The following COLEC11 variants were observed in gnomAD, a reference collection of about 807,000 sequenced individuals.
COLEC11 encodes collectin-11.
COLEC11 carries 20 observed loss-of-function variants against 27.3 expected under a neutral mutation model. The ratio of observed to expected loss-of-function variants is 0.73; its 90% CI spans 0.51 to 1.06. The LOEUF (loss-of-function observed/expected upper bound fraction) is 1.06, where lower values mean the gene tolerates loss of function less well. Among genes scored for constraint, COLEC11 ranks in the 50% least tolerant of loss-of-function variants. The pLI is 0.00. For missense variants in COLEC11, 310 were observed against 383.0 expected (o/e 0.81, Z 1.59); for synonymous variants, 163 against 154.7 (o/e 1.05, Z -0.40).
chr2:3,635,116 C>T (rs1357900637), intron 3 of COLEC11, among the ~76,000 whole-genome samples: 4 of 59,548 alleles, frequency 6.7e-5, no homozygotes, highest in African/African-American at 1.7e-4. Context: ...TGTCCCCCAT[C>T]CCCTGCCTGT....
chr2:3,610,577 C>T (rs17444576), intron 2 of COLEC11, among the ~76,000 whole-genome samples: 15,908 of 152,208 alleles, frequency 0.1, 1,073 homozygotes, highest in Non-Finnish European at 0.15. Flanking sequence ...GTCAGGTTAT[C>T]CCCATGAGCT....
chr2:3,604,606 C>T, intron 2 of COLEC11, 136 bp downstream of exon 2: 1 of 972,442 alleles, frequency 1.0e-6, no homozygotes, highest in East Asian at 2.4e-5. Context: ...CTCAGTTTCC[C>T]CATCTGGAAA....
chr2:3,612,867 T>G (rs7604750), intron 2 of COLEC11, among the ~76,000 whole-genome samples: 105,995 of 151,898 alleles, frequency 0.7, 37,431 homozygotes, highest in South Asian at 0.88. Flanking sequence ...ATGGGGCCAG[T>G]GGGATGCTGA....
In COLEC11 at chr2:3,609,791, A is replaced by C. The variant is rs141750308; in HGVS notation, c.131-3520A>C. Among the ~76,000 whole-genome samples the C allele has an allele frequency of 5.3e-3, 804 of 152,074 alleles. 11 individuals carry two copies. The highest frequency in any genetic ancestry group is 0.045 in the East Asian group (233 of 5,168). On this transcript the variant is annotated intron_variant, in intron 2 of 6. Coordinates refer to ENST00000349077, the MANE Select transcript of COLEC11 (RefSeq NM_024027.5). Reference sequence around the variant, plus strand: ...GTGATCCACCCGCCTTGGGCTCCCAAAATGCTGGGATTACAGGTGTGAGCC... The same window carrying C: ...GTGATCCACCCGCCTTGGGCTCCCACAATGCTGGGATTACAGGTGTGAGCC...
intron 3 of COLEC11, among the ~76,000 whole-genome samples, chr2:3,621,709 G>GT (rs377018108): frequency 3.9e-5 from 6 of 152,074 alleles, no homozygotes; most frequent in African/African-American, 1.2e-4. Flanking sequence ...TATGTACTAG[G>GT]TTTTTTATTT....
intron 3 of COLEC11, among the ~76,000 whole-genome samples, chr2:3,618,981 A>G (rs957182172): frequency 1.3e-5 from 2 of 152,218 alleles, no homozygotes. Context: ...GTTAGTGTAT[A>G]GAAATGCTGC....
intron 3 of COLEC11, among the ~76,000 whole-genome samples, chr2:3,622,320 C>T (rs1179887149): frequency 1.3e-5 from 2 of 152,036 alleles, no homozygotes; most frequent in African/African-American, 4.8e-5. Flanking sequence ...AGAGTGAAAC[C>T]CTGTCTCTAA....
intron 1 of COLEC11, among the ~76,000 whole-genome samples, chr2:3,599,538 G>A (rs1295919454): frequency 3.9e-5 from 6 of 152,190 alleles, no homozygotes; most frequent in East Asian, 1.9e-4. Context: ...ACTGGGTCAC[G>A]GTGCCACACG....
chr2:3,598,167 C>G (rs1341405552), intron 1 of COLEC11, among the ~76,000 whole-genome samples: 1 of 152,160 alleles, frequency 6.6e-6, no homozygotes, highest in Admixed American at 6.5e-5. Flanking sequence ...AACTCCTGAC[C>G]TCAGGTGATC....
At chr2:3,600,234 C>CA (rs35252259) in intron 1 of COLEC11, among the ~76,000 whole-genome samples, 26,045 of 80,236 alleles carry the variant, frequency 0.32, 2,976 homozygotes, top group Admixed American at 0.38. Flanking sequence ...GACTCTGTCT[C>CA]AAAAAAAAAA....
At chr2:3,607,607 C>T in intron 2 of COLEC11, among the ~76,000 whole-genome samples, 1 of 151,904 alleles carries the variant, frequency 6.6e-6, no homozygotes. Flanking sequence ...ACCATCAACG[C>T]CCGGCTAATT....
At chr2:3,605,053 C>CTGCGAG in intron 2 of COLEC11, 1 of 470,932 alleles carries the variant, frequency 2.1e-6, no homozygotes, top group Non-Finnish European at 4.4e-6. Flanking sequence ...GTCCCTGAGG[C>CTGCGAG]TGCGGTATCT....
chr2:3,620,352 G>A (rs956451732), intron 3 of COLEC11, among the ~76,000 whole-genome samples: 3 of 151,628 alleles, frequency 2.0e-5, no homozygotes, highest in African/African-American at 2.4e-5. Context: ...ATAATTATTC[G>A]TATTACTCTC....
At chr2:3,628,802 C>G (rs370286484) in intron 3 of COLEC11, among the ~76,000 whole-genome samples, 167 of 152,352 alleles carry the variant, frequency 1.1e-3, no homozygotes, top group African/African-American at 3.9e-3. Context: ...AATAAGAACT[C>G]CACACCTGCT....
At chr2:3,623,034 T>C (rs912786169) in intron 3 of COLEC11, among the ~76,000 whole-genome samples, 54 of 152,322 alleles carry the variant, frequency 3.5e-4, no homozygotes, top group African/African-American at 1.3e-3. Context: ...AATGTTTCCT[T>C]TATTTTTGAA....
At chr2:3,626,762 T>G (rs1158377587) in intron 3 of COLEC11, among the ~76,000 whole-genome samples, 1 of 152,228 alleles carries the variant, frequency 6.6e-6, no homozygotes, top group Non-Finnish European at 1.5e-5. Context: ...TACAAGGACA[T>G]TAGGTCAAAG....
intron 5 of COLEC11, 45 bp from the exon 6 acceptor site, chr2:3,643,399 G>T: frequency 1.3e-6 from 2 of 1,495,206 alleles, no homozygotes; most frequent in African/African-American, 1.4e-5. Context: ...TTCTGAGTCC[G>T]AGTCCTCATC....
At chr2:3,615,091 T>A (rs1278580607) in intron 3 of COLEC11, among the ~76,000 whole-genome samples, 3 of 150,688 alleles carry the variant, frequency 2.0e-5, no homozygotes, top group Non-Finnish European at 2.9e-5. Flanking sequence ...AGGAATCCAC[T>A]GAGAAATATT....
chr2:3,643,412 G>C (rs1666018108), intron 5 of COLEC11, 32 bp from the exon 6 acceptor site: 1 of 1,564,540 alleles, frequency 6.4e-7, no homozygotes, highest in Non-Finnish European at 8.8e-7. Context: ...TCCTCATCCA[G>C]CGTTTGTAAC....
Sources: allele counts gnomAD v4.1 joint callset (sites outside exome capture counted in the v4.1 genomes callset), GRCh38; gene constraint gnomAD v4.1.1; transcripts MANE v1.5; gene names NCBI Gene and HGNC (gene_info 2026-07-23, HGNC 2026-07-21).